The following PSMA5 variants were observed in gnomAD, a reference collection of about 807,000 sequenced individuals.
PSMA5 encodes proteasome subunit alpha type-5.
Under a neutral mutation model 34.5 loss-of-function variants are expected in PSMA5, and 3 were observed. The ratio of observed to expected loss-of-function variants is 0.09; its 90% CI spans 0.04 to 0.22. The LOEUF is 0.22. Among genes scored for constraint, PSMA5 ranks in the 10% least tolerant of loss-of-function variants. PSMA5 has a pLI of 1.00. For missense variants in PSMA5, 120 were observed against 286.1 expected (o/e 0.42, Z 4.19); for synonymous variants, 88 against 95.8 (o/e 0.92, Z 0.47).
At position 109,400,175 on chromosome 1, in the gene PSMA5, G is replaced by C. The variant is rs747854345; in HGVS notation, c.*1838C>G. On this transcript the variant is annotated 3_prime_UTR_variant, in exon 9 of 9. Coordinates refer to ENST00000271308, the MANE Select transcript of PSMA5 (RefSeq NM_002790.4). ...GAGGGAAAACAACTTAAGCTGAGGC[G>C]AACGGACATAGGCTAAGAGCTACTC... The C allele has an allele frequency of 1.3e-5, 2 of 152,134 alleles. No homozygotes were observed. The highest frequency in any genetic ancestry group is 2.9e-5 in the Non-Finnish European group (2 of 68,040). 9.4% of individuals were successfully genotyped at this position (152,134 alleles called of 1,614,324 possible). A position where few individuals can be genotyped will look rare whatever the true frequency, so the allele number is the denominator to read the frequency against.
At chr1:109,411,813 C>T (rs1409545113) in intron 6 of PSMA5, 64 bp downstream of exon 6, 1 of 1,485,616 alleles carries the variant, frequency 6.7e-7, no homozygotes. Flanking sequence ...TCTTCTCAGT[C>T]TCCACCCCAA....
In PSMA5 at chr1:109,399,788, C is replaced by G. The variant is rs1166934746; in HGVS notation, c.*2225G>C. On this transcript the variant is annotated 3_prime_UTR_variant, in exon 9 of 9. Coordinates refer to ENST00000271308, the MANE Select transcript of PSMA5 (RefSeq NM_002790.4). ...CTTTTTAAATTGGAAACCCTAGGAA[C>G]TATATTTCATTTTTGTCTAATGAGA... 1 of 152,120 alleles carries G rather than the reference C, an allele frequency of 6.6e-6. No homozygotes were observed. Among genetic ancestry groups the G allele is most frequent in the Non-Finnish European group, 1.5e-5 (1 of 68,016 alleles). The allele number at this position is 152,120 out of a possible 1,614,324, so 9.4% of individuals were successfully genotyped here. A position where few individuals can be genotyped will look rare whatever the true frequency, so the allele number is the denominator to read the frequency against.
rs367714946 is a variant in PSMA5, at chr1:109,412,010, G to A, written c.399+67C>T. The A allele has an allele frequency of 2.9e-4, 451 of 1,580,750 alleles. 4 individuals carry two copies. The South Asian group carries it at 4.7e-3, about 16-fold the overall frequency. ...AGGTGAGAGGGGCTGGGAATGTTATGTTCACAGGACAAATGTCCTAAGTCC... is the reference window on the plus strand; with the variant it reads ...AGGTGAGAGGGGCTGGGAATGTTATATTCACAGGACAAATGTCCTAAGTCC... On this transcript the variant is annotated intron_variant, in intron 5 of 8. Transcript: ENST00000271308.
intron 7 of PSMA5, 60 bp from the exon 8 acceptor site, chr1:109,410,074 A>C (rs967719983): frequency 8.8e-7 from 1 of 1,141,238 alleles, no homozygotes; most frequent in African/African-American, 1.6e-5. Context: ...CCTTCCTTCA[A>C]AGATTTTCCC....
rs756289565 is a variant in PSMA5 at position 109,412,046 on chromosome 1, T to C, written c.399+31A>G. The C allele has an allele frequency of 1.9e-6, 3 of 1,601,404 alleles. No individual in the cohort carries two copies. The South Asian group carries it at 3.3e-5, about 18-fold the overall frequency. On this transcript the variant is annotated intron_variant, in intron 5 of 8. Transcript: ENST00000271308. ...AAATGTCCTAAGTCCCATAGAACAA[T>C]AAGAAAACTCGACAGAAGTATCACA...
intron 1 of PSMA5, among the ~76,000 whole-genome samples, chr1:109,424,922 G>C (rs1654593087): frequency 6.6e-6 from 1 of 152,166 alleles, no homozygotes; most frequent in Non-Finnish European, 1.5e-5. Context: ...AGGAGGCGGA[G>C]GTTGCAGTGA....
In PSMA5 at chr1:109,401,945, G is replaced by T; in HGVS notation, c.*68C>A. 8.0e-7 allele frequency: 1 copy of T among 1,253,094 alleles called. No homozygotes were observed. Among genetic ancestry groups the T allele is most frequent in the Non-Finnish European group, 1.1e-6 (1 of 871,734 alleles). 77.6% of individuals were successfully genotyped at this position (1,253,094 alleles called of 1,614,324 possible). A position where few individuals can be genotyped will look rare whatever the true frequency, so the allele number is the denominator to read the frequency against. ...GGAGATTTTCCAAGGAACAGGAGCT[G>T]GAAATAAAATTTAAGGACATTATTA... On this transcript the variant is annotated 3_prime_UTR_variant, in exon 9 of 9. Transcript: ENST00000271308.
intron 3 of PSMA5, among the ~76,000 whole-genome samples, chr1:109,413,747 T>C (rs1283256335): frequency 6.6e-6 from 1 of 152,236 alleles, no homozygotes; most frequent in Non-Finnish European, 1.5e-5. Context: ...ATATATCTAC[T>C]TGGACATATC....
intron 1 of PSMA5, among the ~76,000 whole-genome samples, chr1:109,424,428 G>C (rs974666979): frequency 1.3e-5 from 2 of 152,080 alleles, no homozygotes; most frequent in South Asian, 2.1e-4. Context: ...ATCCTGCCTC[G>C]GCCTTCCAAA....
At position 109,400,431 on chromosome 1, in the gene PSMA5, G is replaced by A. The variant is rs1318656440; in HGVS notation, c.*1582C>T. 6.6e-6 allele frequency: 1 copy of A among 152,190 alleles called. No homozygotes were observed. The highest frequency in any genetic ancestry group is 2.4e-5 in the African/African-American group (1 of 41,442). 9.4% of individuals were successfully genotyped at this position (152,190 alleles called of 1,614,324 possible). ...CTAATACATTTCTTGGCATATAGTA[G>A]GTAGGTGCTCAATAAATTTGTTACA... On this transcript the variant is annotated 3_prime_UTR_variant, in exon 9 of 9. Coordinates refer to ENST00000271308, the MANE Select transcript of PSMA5 (RefSeq NM_002790.4).
chr1:109,417,806 T>C (rs1228897200), intron 2 of PSMA5, among the ~76,000 whole-genome samples: 1 of 152,202 alleles, frequency 6.6e-6, no homozygotes, highest in African/African-American at 2.4e-5. Context: ...GGAATACATT[T>C]GATTTCATAA....
Position 109,415,044 on chromosome 1 carries a change from T to C in PSMA5, c.223+193A>G, listed in dbSNP as rs1479273307. On this transcript the variant is annotated intron_variant, in intron 3 of 8. Transcript: ENST00000271308. ...CTAAATTTGAGGGGAAAGGAACTTA[T>C]GGGAGTAGGTTAAACATAAATGAGT... is the stretch of plus-strand genomic sequence containing the variant. 3.8e-5 allele frequency: 20 copies of C among 526,250 alleles called. No homozygotes were observed. In the East Asian group the frequency reaches 6.1e-4, roughly 16 times the overall value. The allele number at this position is 526,250 out of a possible 1,614,324, so 32.6% of individuals were successfully genotyped here.
intron 8 of PSMA5, among the ~76,000 whole-genome samples, chr1:109,402,585 G>A (rs1037201293): frequency 6.6e-6 from 1 of 152,170 alleles, no homozygotes; most frequent in African/African-American, 2.4e-5. Context: ...AGGATTAAAT[G>A]TTAATATATA....
Position 109,401,925 on chromosome 1 carries a change from T to C in PSMA5, c.*88A>G. 9.6e-7 allele frequency: 1 copy of C among 1,039,486 alleles called. No homozygotes were observed. Among genetic ancestry groups the C allele is most frequent in the Non-Finnish European group, 1.4e-6 (1 of 706,372 alleles). 64.4% of individuals were successfully genotyped at this position (1,039,486 alleles called of 1,614,324 possible). A position where few individuals can be genotyped will look rare whatever the true frequency, so the allele number is the denominator to read the frequency against. On this transcript the variant is annotated 3_prime_UTR_variant, in exon 9 of 9. Coordinates refer to ENST00000271308, the MANE Select transcript of PSMA5 (RefSeq NM_002790.4). ...TTAAAAAATGCACATACAATGGAGA[T>C]TTTCCAAGGAACAGGAGCTGGAAAT... is the stretch of plus-strand genomic sequence containing the variant.
chr1:109,411,372 G>C (rs992136994), intron 6 of PSMA5, among the ~76,000 whole-genome samples: 1 of 152,118 alleles, frequency 6.6e-6, no homozygotes, highest in African/African-American at 2.4e-5. Context: ...GCCTATCTTA[G>C]AAATATTTGA....
Position 109,407,222 on chromosome 1 carries a change from C to T in PSMA5, c.648+2706G>A, listed in dbSNP as rs560191758. Reference sequence around the variant, plus strand: ...CAGGATGGTCTCAATCTCCTGACCTCGTGATCCGCCAGCCTCGGCCTCCCA... The same window carrying T: ...CAGGATGGTCTCAATCTCCTGACCTTGTGATCCGCCAGCCTCGGCCTCCCA... On this transcript the variant is annotated intron_variant, in intron 8 of 8. Coordinates refer to ENST00000271308, the MANE Select transcript of PSMA5 (RefSeq NM_002790.4). 6.6e-5 allele frequency among the ~76,000 whole-genome samples: 10 copies of T among 152,262 alleles called. No homozygotes were observed. The South Asian group carries it at 1.0e-3, about 16-fold the overall frequency.
chr1:109,403,478 A>C (rs1388740586), intron 8 of PSMA5, among the ~76,000 whole-genome samples: 3 of 150,836 alleles, frequency 2.0e-5, no homozygotes, highest in Admixed American at 6.6e-5. Flanking sequence ...AAAAAACCCC[A>C]AAAACTAGCA....
chr1:109,409,807 G>C (rs574305035), intron 8 of PSMA5, 121 bp downstream of exon 8: 5 of 654,112 alleles, frequency 7.6e-6, no homozygotes, highest in Non-Finnish European at 1.3e-5. Context: ...CCAGCTACTC[G>C]AGAGGCTGGG....
intron 2 of PSMA5, among the ~76,000 whole-genome samples, chr1:109,420,590 T>A (rs1328936960): frequency 6.6e-6 from 1 of 152,192 alleles, no homozygotes; most frequent in Non-Finnish European, 1.5e-5. Flanking sequence ...AAATATATAA[T>A]CAGAAACCAT....
Sources: allele counts gnomAD v4.1 joint callset (sites outside exome capture counted in the v4.1 genomes callset), GRCh38; gene constraint gnomAD v4.1.1; transcripts MANE v1.5; gene names NCBI Gene and HGNC (gene_info 2026-07-23, HGNC 2026-07-21).